Variants in FAM193B observed in about 807,000 individuals in gnomAD.
FAM193B encodes protein FAM193B.
FAM193B carries 27 observed loss-of-function variants against 70.7 expected under a neutral mutation model. The ratio of observed to expected loss-of-function variants is 0.38; its 90% CI spans 0.28 to 0.53. The LOEUF (loss-of-function observed/expected upper bound fraction) is 0.53. FAM193B is among the 20% of genes least tolerant of loss of function. FAM193B has a pLI of 0.81. For missense variants in FAM193B, 1,022 were observed against 1,072.5 expected, an observed-to-expected ratio of 0.95 and a Z score of 0.66; for synonymous variants, 448 against 436.0, an observed-to-expected ratio of 1.03 and a Z score of -0.34.
intron 5 of FAM193B, among the ~76,000 whole-genome samples, chr5:177,527,066 T>C (rs1261767401): frequency 6.6e-6 from 1 of 152,148 alleles, no homozygotes; most frequent in East Asian, 1.9e-4. Flanking sequence ...GAGTGCTTCC[T>C]GGAGGTGGGA....
intron 1 of FAM193B, among the ~76,000 whole-genome samples, chr5:177,544,103 A>G (rs1463173168): frequency 6.6e-6 from 1 of 152,230 alleles, no homozygotes; most frequent in East Asian, 1.9e-4. Flanking sequence ...TCCTCAAAAA[A>G]GCTCCAAGAT....
chr5:177,532,436 C>T lies in FAM193B; in HGVS notation c.1275+7G>A. ...CAGCCCTCTCTAGCCTGGGCAGGCT[C>T]ACTCACCGCATTGTGGCCGAAGAAC... is the stretch of plus-strand genomic sequence containing the variant. On this transcript the variant is annotated splice_region_variant and intron_variant, in intron 5 of 8. Coordinates refer to ENST00000514747, the MANE Select transcript of FAM193B (RefSeq NM_001190946.3). The surrounding 1 kb of genome is among the most constrained non-coding windows in gnomAD (Gnocchi z 4.9). The T allele has an allele frequency of 6.2e-7, 1 of 1,607,540 alleles. No individual in the cohort carries two copies. The highest frequency in any genetic ancestry group is 1.1e-5 in the South Asian group (1 of 89,188).
At chr5:177,527,783 C>CG (rs1762836770) in intron 5 of FAM193B, among the ~76,000 whole-genome samples, 3 of 152,328 alleles carry the variant, frequency 2.0e-5, no homozygotes, top group African/African-American at 4.8e-5. Context: ...CCCAGGCGGG[C>CG]GCCCAGTGCT....
chr5:177,525,102 G>C lies in FAM193B; in HGVS notation c.1379C>G (p.Pro460Arg). 1 of 1,588,920 alleles carries C rather than the reference G, an allele frequency of 6.3e-7. No homozygotes were observed. The highest frequency in any genetic ancestry group is 8.6e-7 in the Non-Finnish European group (1 of 1,168,612). The change falls in exon 6 of 9, where the codon CCC (proline) becomes CGC (arginine). Residue 460 changes from proline to arginine, a missense_variant. Pro to Arg is a moderately radical substitution (Grantham distance 103, BLOSUM62 -2). Coordinates refer to ENST00000514747, the MANE Select transcript of FAM193B (RefSeq NM_001190946.3). ...GTTGACCCGATCCAGTTCCCGGTCGGGCCACTCCAAGAGCCTCTCCCTGGC... is the reference window on the plus strand; with the variant it reads ...GTTGACCCGATCCAGTTCCCGGTCGCGCCACTCCAAGAGCCTCTCCCTGGC... ...RPARERLLEWPDRELDRVNSF... is the reference protein window; with the variant it reads ...RPARERLLEWRDRELDRVNSF...
chr5:177,524,119 G>A, intron 6 of FAM193B, 66 bp downstream of exon 6: 3 of 1,609,094 alleles, frequency 1.9e-6, no homozygotes, highest in Non-Finnish European at 2.5e-6. Flanking sequence ...ACACACAAAG[G>A]CTGCCCCTCC....
chr5:177,536,994 G>A (rs115221965), intron 3 of FAM193B, among the ~76,000 whole-genome samples: 1,531 of 152,324 alleles, frequency 0.01, 29 homozygotes, highest in African/African-American at 0.035. Flanking sequence ...CTTTTCTGCA[G>A]CATGAGCAGA....
At position 177,554,437 on chromosome 5, in the gene FAM193B, G is replaced by T. The variant is rs934288377; in HGVS notation, c.22C>A (p.Pro8Thr). 2.1e-5 allele frequency: 22 copies of T among 1,060,368 alleles called. No individual in the cohort carries two copies. Among genetic ancestry groups the T allele is most frequent in the Non-Finnish European group, 2.4e-5 (21 of 881,908 alleles). The allele number at this position is 1,060,368 out of a possible 1,614,324, so 65.7% of individuals were successfully genotyped here. Reference protein sequence around the residue: MTRRRSRPSGGAGRRERA... With the variant: MTRRRSRTSGGAGRRERA... The stretch of plus-strand genomic sequence containing the variant: ...TCGCGCCTGCCCGCACCGCCGCTCG[G>T]CCTGCTCCGCCTCCGCGTCATGCCG... The change falls in exon 1 of 9, where the codon CCG becomes ACG. Residue 8 changes from proline (P) to threonine (T), a missense_variant. Pro to Thr is a conservative substitution (Grantham distance 38). Transcript: ENST00000514747.
intron 1 of FAM193B, chr5:177,547,292 T>TA (rs1561786228): frequency 2.1e-4 from 26 of 121,396 alleles, no homozygotes; most frequent in African/African-American, 8.0e-4. Flanking sequence ...ATTTCTTTTT[T>TA]TTTTTTTTTT....
At chr5:177,533,508 T>C (rs1230830010) in intron 4 of FAM193B, among the ~76,000 whole-genome samples, 1 of 152,144 alleles carries the variant, frequency 6.6e-6, no homozygotes, top group Non-Finnish European at 1.5e-5. Context: ...GGTTTCACCA[T>C]GTTAGCCAGG....
chr5:177,548,263 C>T (rs1326933291), intron 1 of FAM193B, among the ~76,000 whole-genome samples: 2 of 152,158 alleles, frequency 1.3e-5, no homozygotes, highest in African/African-American at 4.8e-5. Flanking sequence ...CTGTCCTTTC[C>T]ACAATACTGT....
intron 5 of FAM193B, chr5:177,531,344 C>T (rs1763411447): frequency 7.3e-7 from 1 of 1,361,084 alleles, no homozygotes; most frequent in Non-Finnish European, 9.8e-7. Flanking sequence ...ACTTTGGGCT[C>T]CGTGCTGTTG....
chr5:177,531,846 A>G (rs1763511621), intron 5 of FAM193B: 34 of 1,157,460 alleles, frequency 2.9e-5, no homozygotes, highest in Non-Finnish European at 3.7e-5. Flanking sequence ...TGTCATCTCT[A>G]AAATGAGGAT....
At chr5:177,530,495 T>A (rs1241664881) in intron 5 of FAM193B, among the ~76,000 whole-genome samples, 1 of 152,186 alleles carries the variant, frequency 6.6e-6, no homozygotes, top group African/African-American at 2.4e-5. Flanking sequence ...CCCTCTCTTC[T>A]TCTCTGGCCC....
intron 5 of FAM193B, chr5:177,531,460 A>G: frequency 3.7e-6 from 5 of 1,357,482 alleles, no homozygotes; most frequent in Non-Finnish European, 4.9e-6. Flanking sequence ...CCGCCTGGTC[A>G]GCCTCGAGCG....
rs142449435 is a variant in FAM193B at position 177,553,480 on chromosome 5, G to A, written c.210+769C>T. On this transcript the variant is annotated intron_variant, in intron 1 of 8. Transcript: ENST00000514747. ...GCCCATGTCACCCCCGCCTCTCAGT[G>A]AACTTTGGCAGGGTACCTCCCGTTA... 2.0e-5 allele frequency: 22 copies of A among 1,107,244 alleles called. No individual in the cohort carries two copies. The African/African-American group carries it at 3.5e-4, about 18-fold the overall frequency. 68.6% of individuals were successfully genotyped at this position (1,107,244 alleles called of 1,614,324 possible).
rs765995572 is a variant in FAM193B at position 177,539,138 on chromosome 5, C to CG, written c.219dup (p.Ala74ArgfsTer34). ...CAAGTCTGCACAGGCTGGCTGGAGGCGGGGGGGACCTGTCCAACAGACAGA... is the reference window on the plus strand; with the variant it reads ...CAAGTCTGCACAGGCTGGCTGGAGGCGGGGGGGGACCTGTCCAACAGACAGA... On this transcript the variant is annotated frameshift_variant, in exon 2 of 9. Coordinates refer to ENST00000514747, the MANE Select transcript of FAM193B (RefSeq NM_001190946.3). LOFTEE classifies it high-confidence loss of function. The CG allele has an allele frequency of 1.3e-5, 21 of 1,568,366 alleles. No homozygotes were observed. Among genetic ancestry groups the CG allele is most frequent in the Admixed American group, 1.9e-5 (1 of 53,256 alleles).
At chr5:177,528,018 C>T (rs147513230) in intron 5 of FAM193B, among the ~76,000 whole-genome samples, 217 of 152,228 alleles carry the variant, frequency 1.4e-3, no homozygotes, top group African/African-American at 4.8e-3. Context: ...ATCTCTTTCC[C>T]AGGGAGATGT....
At chr5:177,531,335 C>CT in intron 5 of FAM193B, 1 of 1,360,204 alleles carries the variant, frequency 7.4e-7, no homozygotes, top group Non-Finnish European at 9.8e-7. Context: ...CTGTTGGGGA[C>CT]TTTGGGCTCC....
Position 177,520,026 on chromosome 5 carries a change from A to G in FAM193B, c.*157T>C, listed in dbSNP as rs1455933415. ...TGCTGAGGTCAAGGGGCCCCAGCAC[A>G]GTGTGGCATCCGTTCAGCTTTTGGT... On this transcript the variant is annotated 3_prime_UTR_variant, in exon 9 of 9. Transcript: ENST00000514747. 1.3e-5 allele frequency: 2 copies of G among 152,398 alleles called. No individual in the cohort carries two copies. The highest frequency in any genetic ancestry group is 2.9e-5 in the Non-Finnish European group (2 of 68,192). 9.4% of individuals were successfully genotyped at this position (152,398 alleles called of 1,614,324 possible).
Sources: gnomAD v4.1 joint callset for allele counts (sites outside exome capture counted in the v4.1 genomes callset) on GRCh38, gnomAD v4.1.1 for gene constraint, Gnocchi (gnomAD v3.1) non-coding constraint, MANE v1.5 for transcripts, NCBI Gene and HGNC (gene_info 2026-07-23, HGNC 2026-07-21) for gene names.